The following ZNF605 variants were observed in gnomAD, a reference collection of about 807,000 sequenced individuals.
ZNF605 encodes the protein zinc finger protein 605.
A neutral mutation model predicts 7.9 loss-of-function variants in ZNF605; 9 were observed. The observed-to-expected ratio is 1.14, with a 90% confidence interval of 0.68 to 1.98. The LOEUF is 1.98. Ranked by LOEUF, ZNF605 falls within the 30% of genes most tolerant of loss-of-function variation. The pLI, the probability that ZNF605 is intolerant of heterozygous loss-of-function variation, is 0.00. For missense variants in ZNF605, 673 were observed against 762.4 expected (o/e 0.88, Z 1.38); for synonymous variants, 255 against 260.1 (o/e 0.98, Z 0.19).
Position 132,933,165 on chromosome 12 carries a change from C to G in ZNF605, c.16-10G>C. Reference sequence around the variant, plus strand: ...CATCCTCAAATGATATCTGGAAAAGCATAATCCCTGTTAAACCTGAAGTGG... The same window carrying G: ...CATCCTCAAATGATATCTGGAAAAGGATAATCCCTGTTAAACCTGAAGTGG... On this transcript the variant is annotated splice_polypyrimidine_tract_variant and intron_variant, in intron 3 of 4. Transcript: ENST00000360187. The surrounding 1 kb of genome is among the most constrained non-coding windows in gnomAD (Gnocchi z 4.4). 1 of 1,599,728 alleles carries G rather than the reference C, an allele frequency of 6.3e-7. No individual in the cohort carries two copies. The highest frequency in any genetic ancestry group is 8.5e-7 in the Non-Finnish European group (1 of 1,173,488).
rs376305237 is a variant in ZNF605, at chr12:132,941,786, C to T, written c.15+3835G>A. Among the ~76,000 whole-genome samples the T allele has an allele frequency of 0.042, 6,400 of 152,142 alleles. 179 individuals carry two copies. The highest frequency in any genetic ancestry group is 0.078 in the East Asian group (405 of 5,160). On this transcript the variant is annotated intron_variant, in intron 3 of 4. Coordinates refer to ENST00000360187, the MANE Select transcript of ZNF605 (RefSeq NM_183238.4). This position sits in a 1 kb window ranked among gnomAD's most constrained non-coding sequence, Gnocchi z 5.1. ...CTTCTCCGGGCTGCCCTCCGTCACG[C>T]GCCCTTTTCCAGGCTGCCCTCTGTC...
At chr12:132,938,181 CCT>C (rs1339617764) in intron 3 of ZNF605, among the ~76,000 whole-genome samples, 2 of 152,146 alleles carry the variant, frequency 1.3e-5, no homozygotes, top group South Asian at 4.1e-4. Flanking sequence ...GGGGTTTCAC[CCT>C]GTTAGCCTGG....
chr12:132,950,554 C>T (rs1477763475), intron 1 of ZNF605, among the ~76,000 whole-genome samples: 2 of 150,792 alleles, frequency 1.3e-5, no homozygotes, highest in African/African-American at 2.4e-5. Context: ...CACACTAATA[C>T]ACCCGTACAT....
At chr12:132,943,966 C>T (rs1026683887) in intron 3 of ZNF605, among the ~76,000 whole-genome samples, 3 of 152,162 alleles carry the variant, frequency 2.0e-5, no homozygotes, top group Admixed American at 6.5e-5. Flanking sequence ...TGCCCAGGAA[C>T]GTCCTGATGT....
At position 132,920,562 on chromosome 12, in the gene ZNF605, A is replaced by C. The variant is rs916725701; in HGVS notation, c.*4811T>G. 6.6e-6 allele frequency: 1 copy of C among 152,238 alleles called. No homozygotes were observed. The highest frequency in any genetic ancestry group is 2.4e-5 in the African/African-American group (1 of 41,474). 9.4% of individuals were successfully genotyped at this position (152,238 alleles called of 1,614,324 possible). A position where few individuals can be genotyped will look rare whatever the true frequency, so the allele number is the denominator to read the frequency against. ...AAAGAATTATTAAATATCATCACCA[A>C]CTTCACAGATTTGGTCTCAAAGTAA... On this transcript the variant is annotated 3_prime_UTR_variant, in exon 5 of 5. Coordinates refer to ENST00000360187, the MANE Select transcript of ZNF605 (RefSeq NM_183238.4).
At chr12:132,940,827 G>T (rs944629638) in intron 3 of ZNF605, among the ~76,000 whole-genome samples, 8 of 152,180 alleles carry the variant, frequency 5.3e-5, no homozygotes, top group African/African-American at 1.9e-4. Context: ...CTGAGGTTTG[G>T]GGTACGACTG....
chr12:132,951,786 A>G (rs1952572793), intron 1 of ZNF605, among the ~76,000 whole-genome samples: 1 of 151,948 alleles, frequency 6.6e-6, no homozygotes, highest in African/African-American at 2.4e-5. Flanking sequence ...ACACACATTG[A>G]TACACATGTA....
Position 132,933,213 on chromosome 12 carries a change from A to G in ZNF605, c.16-58T>C. Reference sequence around the variant, plus strand: ...TGGTTCTCATTTGGTCTTGTAAAATACTTTCTTCTGTATTTGTGGTAGGTG... The same window carrying G: ...TGGTTCTCATTTGGTCTTGTAAAATGCTTTCTTCTGTATTTGTGGTAGGTG... On this transcript the variant is annotated intron_variant, in intron 3 of 4. Coordinates refer to ENST00000360187, the MANE Select transcript of ZNF605 (RefSeq NM_183238.4). This position sits in a 1 kb window ranked among gnomAD's most constrained non-coding sequence, Gnocchi z 4.4. 2 of 1,546,594 alleles carry G rather than the reference A, an allele frequency of 1.3e-6. No individual in the cohort carries two copies. The highest frequency in any genetic ancestry group is 1.2e-5 in the South Asian group (1 of 81,040).
chr12:132,925,409 C>T lies in ZNF605; in HGVS notation c.1890G>A (p.Ser630=), dbSNP rs75098446. Residue 630 remains serine (S), a synonymous_variant, in exon 5 of 5, where the codon TCG becomes TCA. Transcript: ENST00000360187. ...GATTTCTCTGATGTATCATAAGCTG[C>T]GACTTCCTGTTGAAGGTGGTCCCAC... The part of the protein sequence containing the change: ...NECGTTFNRK[S]QLMIHQRNHI... 1,853 of 1,604,780 alleles carry T rather than the reference C, an allele frequency of 1.2e-3. 20 individuals are homozygous for T. In the African/African-American group the frequency reaches 0.022, roughly 19 times the overall value.
At chr12:132,934,139 G>T (rs1410980613) in intron 3 of ZNF605, among the ~76,000 whole-genome samples, 7 of 151,832 alleles carry the variant, frequency 4.6e-5, no homozygotes, top group Non-Finnish European at 8.8e-5. Context: ...ATTAGCTGGG[G>T]GTGGTGGTGG....
At chr12:132,954,878 C>T (rs1034243006) in intron 1 of ZNF605, among the ~76,000 whole-genome samples, 33 of 152,094 alleles carry the variant, frequency 2.2e-4, no homozygotes, top group Non-Finnish European at 4.1e-4. Context: ...CATCCAGACT[C>T]CCTTGTCACA....
intron 3 of ZNF605, among the ~76,000 whole-genome samples, chr12:132,939,048 G>C (rs1158097868): frequency 7.9e-5 from 12 of 151,492 alleles, no homozygotes; most frequent in African/African-American, 2.9e-4. Context: ...CACTCCATGG[G>C]CTCCCATGCG....
intron 1 of ZNF605, among the ~76,000 whole-genome samples, chr12:132,949,207 C>T (rs12311135): frequency 0.16 from 23,954 of 152,104 alleles, 2,152 homozygotes; most frequent in South Asian, 0.25. Flanking sequence ...CTTTGAAGCA[C>T]TGGAAGCCAG....
At chr12:132,938,898 C>T (rs1952398202) in intron 3 of ZNF605, among the ~76,000 whole-genome samples, 1 of 152,128 alleles carries the variant, frequency 6.6e-6, no homozygotes, top group Non-Finnish European at 1.5e-5. Flanking sequence ...AGCACCCGGG[C>T]CAGTGGCTGC....
rs576598918 is a variant in ZNF605 at position 132,945,639 on chromosome 12, C to T, written c.-4G>A. On this transcript the variant is annotated 5_prime_UTR_variant, in exon 3 of 5. Transcript: ENST00000360187. ...AACCCACCTGTGACTGGATCATTTT[C>T]CGCTGCTCTTGGGAAATCTGCTGTT... 102 of 1,612,622 alleles carry T rather than the reference C, an allele frequency of 6.3e-5. 1 individual carries two copies. The African/African-American group carries it at 1.2e-3, about 19-fold the overall frequency.
intron 2 of ZNF605, among the ~76,000 whole-genome samples, chr12:132,946,403 T>C (rs1593599731): frequency 6.6e-6 from 1 of 152,112 alleles, no homozygotes; most frequent in Non-Finnish European, 1.5e-5. Context: ...GAGGCGTGGG[T>C]CTGAGGCTGA....
intron 1 of ZNF605, among the ~76,000 whole-genome samples, chr12:132,955,938 G>C (rs1219012858): frequency 6.6e-6 from 1 of 151,244 alleles, no homozygotes; most frequent in African/African-American, 2.4e-5. Context: ...GAATCGCCCA[G>C]CTGACCCCAA....
intron 4 of ZNF605, among the ~76,000 whole-genome samples, chr12:132,929,037 A>AC (rs1304503881): frequency 0.018 from 260 of 14,220 alleles, 2 homozygotes; most frequent in African/African-American, 0.022. Flanking sequence ...AACAAAACAA[A>AC]ACAAAACAAA....
chr12:132,944,655 T>G (rs1952480037), intron 3 of ZNF605: 1 of 152,234 alleles, frequency 6.6e-6, no homozygotes, highest in Non-Finnish European at 1.5e-5. Context: ...TCGAAGAAAC[T>G]GTGTTCTGAA....
Sources: gnomAD v4.1 joint callset for allele counts (sites outside exome capture counted in the v4.1 genomes callset) on GRCh38, gnomAD v4.1.1 for gene constraint, Gnocchi (gnomAD v3.1) non-coding constraint, MANE v1.5 for transcripts, NCBI Gene and HGNC (gene_info 2026-07-23, HGNC 2026-07-21) for gene names.